MEF2C: variants seen among roughly 807,000 people sequenced by gnomAD.
The protein encoded by MEF2C is myocyte-specific enhancer factor 2C.
Under a neutral mutation model 50.5 loss-of-function variants are expected in MEF2C, and 6 were observed. The ratio of observed to expected loss-of-function variants is 0.12; its 90% CI spans 0.07 to 0.23. The LOEUF (loss-of-function observed/expected upper bound fraction) is 0.23, where lower values mean the gene tolerates loss of function less well. Among genes scored for constraint, MEF2C ranks in the 10% least tolerant of loss-of-function variants. The pLI is 1.00. For missense variants in MEF2C, 276 were observed against 605.0 expected (o/e 0.46, Z 5.70); for synonymous variants, 183 against 228.0 (o/e 0.80, Z 1.78).
intron 6 of MEF2C, chr5:88,746,516 G>T (rs1436492907): frequency 2.0e-6 from 2 of 983,690 alleles, no homozygotes; most frequent in African/African-American, 3.5e-5. Flanking sequence ...TAACGTAATT[G>T]CAGTCTCGCC....
chr5:88,769,377 G>A (rs886155772), intron 3 of MEF2C, among the ~76,000 whole-genome samples: 3 of 152,086 alleles, frequency 2.0e-5, no homozygotes, highest in Non-Finnish European at 4.4e-5. Context: ...AGATGATTCA[G>A]GCTTCCTCAG....
chr5:88,813,429 T>G (rs1803764630), intron 2 of MEF2C, among the ~76,000 whole-genome samples: 1 of 151,982 alleles, frequency 6.6e-6, no homozygotes, highest in Non-Finnish European at 1.5e-5. Flanking sequence ...ATAATCTTTC[T>G]CCACTCCACA....
At chr5:88,899,303 A>G (rs1835405503) in intron 1 of MEF2C, among the ~76,000 whole-genome samples, 1 of 152,168 alleles carries the variant, frequency 6.6e-6, no homozygotes, top group African/African-American at 2.4e-5. Flanking sequence ...ATGGTGGGCT[A>G]CTTATAGCAA....
At chr5:88,810,459 A>C (rs1802308475) in intron 2 of MEF2C, among the ~76,000 whole-genome samples, 1 of 152,154 alleles carries the variant, frequency 6.6e-6, no homozygotes, top group African/African-American at 2.4e-5. Flanking sequence ...TCTGAAGATA[A>C]AAATTTAATT....
chr5:88,743,532 C>T (rs1474336483), intron 6 of MEF2C: 3 of 981,570 alleles, frequency 3.1e-6, no homozygotes, highest in African/African-American at 1.8e-5. Context: ...AGATGAATTA[C>T]AAAAACATAA....
chr5:88,818,375 T>C (rs911387995), intron 2 of MEF2C, among the ~76,000 whole-genome samples: 6 of 151,842 alleles, frequency 4.0e-5, no homozygotes, highest in Non-Finnish European at 7.4e-5. Flanking sequence ...AAAAATCTGT[T>C]TCAGGAGCAT....
intron 6 of MEF2C, chr5:88,735,387 T>C: frequency 1.0e-6 from 1 of 985,346 alleles, no homozygotes; most frequent in Non-Finnish European, 1.2e-6. Context: ...CCTGGACAAT[T>C]ATCAATTTAG....
chr5:88,779,702 T>C (rs1786801549), intron 3 of MEF2C, among the ~76,000 whole-genome samples: 1 of 151,978 alleles, frequency 6.6e-6, no homozygotes, highest in African/African-American at 2.4e-5. Context: ...GTAGATTTTA[T>C]CTTTTTCCCC....
chr5:88,864,791 G>C (rs1452726526), intron 1 of MEF2C, among the ~76,000 whole-genome samples: 2 of 149,870 alleles, frequency 1.3e-5, no homozygotes, highest in African/African-American at 4.9e-5. Context: ...TTTTGAGATG[G>C]AGTTTCGCTC....
chr5:88,875,782 G>A (rs1312869330), intron 1 of MEF2C, among the ~76,000 whole-genome samples: 1 of 151,920 alleles, frequency 6.6e-6, no homozygotes, highest in South Asian at 2.1e-4. Flanking sequence ...TATGTAGGGG[G>A]AAATAAAGGA....
At chr5:88,871,363 A>T (rs917102008) in intron 1 of MEF2C, among the ~76,000 whole-genome samples, 6 of 151,852 alleles carry the variant, frequency 4.0e-5, no homozygotes, top group East Asian at 1.9e-4. Flanking sequence ...TATTATTATT[A>T]TTTTTAAATT....
chr5:88,749,429 G>A lies in MEF2C; in HGVS notation c.590-312C>T, dbSNP rs928053851. The A allele has an allele frequency of 7.1e-6, 7 of 984,574 alleles. No individual in the cohort carries two copies. In the African/African-American group the frequency reaches 1.0e-4, roughly 15 times the overall value. The allele number at this position is 984,574 out of a possible 1,614,324, so 61.0% of individuals were successfully genotyped here. On this transcript the variant is annotated intron_variant, in intron 5 of 10. Coordinates refer to ENST00000504921, the MANE Select transcript of MEF2C (RefSeq NM_002397.5). ...TCCCTAAGCAGATGTTTTATAGAAA[G>A]TGAAAGAAAGAGTAAGGTCTACTAT... is the stretch of plus-strand genomic sequence containing the variant.
chr5:88,797,566 A>G (rs1283772953), intron 3 of MEF2C, among the ~76,000 whole-genome samples: 1 of 147,686 alleles, frequency 6.8e-6, no homozygotes, highest in Admixed American at 6.9e-5. Flanking sequence ...GGTCTCCTGA[A>G]TACAGCACAC....
In MEF2C at chr5:88,787,129, G is replaced by C. The variant is rs556855623; in HGVS notation, c.258+17469C>G. 2.6e-5 allele frequency among the ~76,000 whole-genome samples: 4 copies of C among 151,760 alleles called. No individual in the cohort carries two copies. The South Asian group carries it at 8.3e-4, about 32-fold the overall frequency. ...TTGCACATACACTTAATAAATACTTGTGGAAAAGAAAAAAAAAATCAATTC... is the reference window on the plus strand; with the variant it reads ...TTGCACATACACTTAATAAATACTTCTGGAAAAGAAAAAAAAAATCAATTC... On this transcript the variant is annotated intron_variant, in intron 3 of 10. Coordinates refer to ENST00000504921, the MANE Select transcript of MEF2C (RefSeq NM_002397.5).
rs1581206040 is a variant in MEF2C, at chr5:88,722,703, G to A, written c.1323C>T (p.Asn441=). Reference sequence around the variant, plus strand: ...TGAGTCCAATGGGGGAGTGGAATTCGTTCCGGTGATCCTCTCGGTCGCTCC... The same window carrying A: ...TGAGTCCAATGGGGGAGTGGAATTCATTCCGGTGATCCTCTCGGTCGCTCC... ...YDGSDREDHR[N]EFHSPIGLTR... The change falls in exon 11 of 11, where the codon AAC becomes AAT. Residue 441 remains asparagine (N), a synonymous_variant. Transcript: ENST00000504921. The A allele has an allele frequency of 3.1e-6, 5 of 1,613,906 alleles. No individual in the cohort carries two copies. Among genetic ancestry groups the A allele is most frequent in the East Asian group, 4.5e-5 (2 of 44,876 alleles).
In MEF2C at chr5:88,856,052, A is replaced by G. The variant is rs1823209023; in HGVS notation, c.-143+26903T>C. On this transcript the variant is annotated intron_variant, in intron 1 of 10. Transcript: ENST00000504921. ...CTTGTTGAATGCCTTTGACCAAAAT[A>G]CTGATAGTGATATGGACAATGAAAT... Among the ~76,000 whole-genome samples, 7 of 152,176 alleles carry G rather than the reference A, an allele frequency of 4.6e-5. No individual in the cohort carries two copies. The South Asian group carries it at 1.4e-3, about 31-fold the overall frequency.
intron 10 of MEF2C, among the ~76,000 whole-genome samples, chr5:88,725,404 A>C: frequency 6.6e-6 from 1 of 152,146 alleles, no homozygotes; most frequent in East Asian, 1.9e-4. Flanking sequence ...TCTGTTAACA[A>C]AGAAGTATTT....
chr5:88,741,521 G>A, intron 6 of MEF2C: 1 of 985,288 alleles, frequency 1.0e-6, no homozygotes, highest in Non-Finnish European at 1.2e-6. Context: ...TTTGGTCCAT[G>A]GTTTTACGGT....
At position 88,720,310 on chromosome 5, in the gene MEF2C, T is replaced by C. The variant is rs1475220878; in HGVS notation, c.*2294A>G. The C allele has an allele frequency of 1.3e-5, 2 of 151,232 alleles. No homozygotes were observed. Among genetic ancestry groups the C allele is most frequent in the Non-Finnish European group, 3.0e-5 (2 of 67,764 alleles). 9.4% of individuals were successfully genotyped at this position (151,232 alleles called of 1,614,324 possible). On this transcript the variant is annotated 3_prime_UTR_variant, in exon 11 of 11. Transcript: ENST00000504921. ...CATGTTCCATGGATACCTTGAGTAG[T>C]GGGATATATATGAAATGGTTGATAG...
Sources: allele counts gnomAD v4.1 joint callset (sites outside exome capture counted in the v4.1 genomes callset), GRCh38; gene constraint gnomAD v4.1.1; transcripts MANE v1.5; gene names NCBI Gene and HGNC (gene_info 2026-07-23, HGNC 2026-07-21).